Variants in PCDHB10 observed in about 807,000 individuals in gnomAD.
The protein encoded by PCDHB10 is protocadherin beta-10.
For missense variants in PCDHB10, 1,046 were observed against 1,004.7 expected (o/e 1.04, Z -0.56); for synonymous variants, 448 against 449.2 (o/e 1.00, Z 0.04).
chr5:141,195,157 A>G lies in PCDHB10; in HGVS notation c.*202A>G. 1.9e-6 allele frequency: 1 copy of G among 525,796 alleles called. No individual in the cohort carries two copies. Among genetic ancestry groups the G allele is most frequent in the South Asian group, 3.3e-5 (1 of 30,184 alleles). 32.6% of individuals were successfully genotyped at this position (525,796 alleles called of 1,614,324 possible). A position where few individuals can be genotyped will look rare whatever the true frequency, so the allele number is the denominator to read the frequency against. ...TTTAATGAGTATTTTTTTCTAAATG[A>G]TAGTGTTAAGGTTTTAATTCTTTCC... On this transcript the variant is annotated 3_prime_UTR_variant, in exon 1 of 1. Transcript: ENST00000239446.
rs782568485 is a variant in PCDHB10 at position 141,193,673 on chromosome 5, ACT to A, written c.1124_1125del (p.Ser375TrpfsTer50). 12 of 1,613,976 alleles carry A rather than the reference ACT, an allele frequency of 7.4e-6. No homozygotes were observed. The highest frequency in any genetic ancestry group is 6.7e-5 in the African/African-American group (5 of 74,886). On this transcript the variant is annotated frameshift_variant, in exon 1 of 1. Coordinates refer to ENST00000239446, the MANE Select transcript of PCDHB10 (RefSeq NM_018930.4). LOFTEE classifies it low-confidence loss of function (END_TRUNC). Reference sequence around the variant, plus strand: ...GCTGTTTTTAAGATTAATGACAGAGACTCTGGAGAAAATGGAAAGATGGTTTG... The same window carrying A: ...GCTGTTTTTAAGATTAATGACAGAGACTGGAGAAAATGGAAAGATGGTTTG...
rs782004453 is a variant in PCDHB10, at chr5:141,194,045, T to G, written c.1493T>G (p.Leu498Arg). ...CTGCTGCCGCCCCAAGACCCGCACC[T>G]GCCCCTCGCCTCCCTGGTCTCCATC... ...YSLLPPQDPH[L>R]PLASLVSINA... Residue 498 changes from leucine (L) to arginine (R), a missense_variant, in exon 1 of 1, where the codon CTG (leucine) becomes CGG (arginine). Transcript: ENST00000239446. 8 of 1,608,258 alleles carry G rather than the reference T, an allele frequency of 5.0e-6. No homozygotes were observed. In the South Asian group the frequency reaches 7.7e-5, roughly 15 times the overall value.
chr5:141,193,433 T>A lies in PCDHB10; in HGVS notation c.881T>A (p.Ile294Asn). Residue 294 changes from isoleucine (I) to asparagine (N), a missense_variant, in exon 1 of 1, where the codon ATC (isoleucine) becomes AAC (asparagine). Ile to Asn is a moderately radical substitution (Grantham distance 149). Transcript: ENST00000239446. ...ASENIRTTFQ[I>N]NPFSGEIFLR... is the part of the protein sequence containing the mutation. ...GAAAATATTCGAACAACCTTTCAAA[T>A]CAATCCTTTTTCTGGGGAAATCTTT... The A allele has an allele frequency of 6.2e-7, 1 of 1,614,150 alleles. No homozygotes were observed. The highest frequency in any genetic ancestry group is 8.5e-7 in the Non-Finnish European group (1 of 1,180,014).
In PCDHB10 at chr5:141,194,807, A is replaced by G. The variant is rs781786410; in HGVS notation, c.2255A>G (p.Gln752Arg). The change falls in exon 1 of 1, where the codon CAG becomes CGG. Residue 752 changes from glutamine to arginine, a missense_variant. By Grantham distance (43) the Gln-to-Arg change is conservative. Coordinates refer to ENST00000239446, the MANE Select transcript of PCDHB10 (RefSeq NM_018930.4). ...RGAETLSQSY[Q>R]YEVCLTGGPG... ...GCTGAGACCCTGTCCCAGAGCTACC[A>G]GTATGAGGTGTGTCTGACGGGAGGC... 14 of 1,614,098 alleles carry G rather than the reference A, an allele frequency of 8.7e-6. No individual in the cohort carries two copies. The highest frequency in any genetic ancestry group is 1.1e-5 in the Non-Finnish European group (13 of 1,180,014).
In PCDHB10 at chr5:141,194,553, C is replaced by A. The variant is rs563386280; in HGVS notation, c.2001C>A (p.Ser667=). 4.4e-6 allele frequency: 7 copies of A among 1,578,056 alleles called. No individual in the cohort carries two copies. The African/African-American group carries it at 8.1e-5, about 18-fold the overall frequency. The change falls in exon 1 of 1, where the codon TCC becomes TCA. Residue 667 remains serine (S), a synonymous_variant. Transcript: ENST00000239446. ...TLHLLLVDGF[S]QPYLPLPEAA... is the part of the protein sequence containing the mutation. ...ACTTGCTCCTGGTGGACGGCTTCTC[C>A]CAGCCCTACCTGCCTCTCCCGGAGG...
rs782796782 is a variant in PCDHB10, at chr5:141,193,648, G to C, written c.1096G>C (p.Ala366Pro). 2.5e-6 allele frequency: 4 copies of C among 1,614,126 alleles called. No individual in the cohort carries two copies. In the South Asian group the frequency reaches 4.4e-5, roughly 18 times the overall value. Residue 366 changes from alanine to proline, a missense_variant, in exon 1 of 1, where the codon GCT (alanine) becomes CCT (proline). Physicochemically the swap from Ala to Pro is conservative, Grantham distance 27 (BLOSUM62 -1). Transcript: ENST00000239446. ...VAENSPETPL[A>P]VFKINDRDSG... ...TGAGAATTCTCCTGAGACGCCGCTGGCTGTTTTTAAGATTAATGACAGAGA... is the reference window on the plus strand; with the variant it reads ...TGAGAATTCTCCTGAGACGCCGCTGCCTGTTTTTAAGATTAATGACAGAGA...
Position 141,193,856 on chromosome 5 carries a change from A to G in PCDHB10, c.1304A>G (p.His435Arg). The G allele has an allele frequency of 6.2e-7, 1 of 1,614,050 alleles. No individual in the cohort carries two copies. The highest frequency in any genetic ancestry group is 8.5e-7 in the Non-Finnish European group (1 of 1,180,010). ...GGGACACCCAGGCTGAAAACCGAGCACAACATAACGGTCCTGGTCTCCGAC... is the reference window on the plus strand; with the variant it reads ...GGGACACCCAGGCTGAAAACCGAGCGCAACATAACGGTCCTGGTCTCCGAC... The part of the protein sequence containing the change: ...DLGTPRLKTE[H>R]NITVLVSDVN... The change falls in exon 1 of 1, where the codon CAC becomes CGC. Residue 435 changes from histidine to arginine, a missense_variant. Transcript: ENST00000239446.
In PCDHB10 at chr5:141,192,427, T is replaced by C. The variant is rs1006964218; in HGVS notation, c.-126T>C. Reference sequence around the variant, plus strand: ...AAAGAGAAGCTTTAGCTGCCAAAGATTGGGAAAGGGAAAGGACAAAAAAGA... The same window carrying C: ...AAAGAGAAGCTTTAGCTGCCAAAGACTGGGAAAGGGAAAGGACAAAAAAGA... On this transcript the variant is annotated 5_prime_UTR_variant, in exon 1 of 1. Coordinates refer to ENST00000239446, the MANE Select transcript of PCDHB10 (RefSeq NM_018930.4). The C allele has an allele frequency of 2.4e-5, 29 of 1,221,484 alleles. No individual in the cohort carries two copies. The highest frequency in any genetic ancestry group is 4.7e-5 in the East Asian group (2 of 42,650). The allele number at this position is 1,221,484 out of a possible 1,614,324, so 75.7% of individuals were successfully genotyped here.
chr5:141,194,763 T>G lies in PCDHB10; in HGVS notation c.2211T>G (p.His737Gln), dbSNP rs1300466381. ...TGCCCGAGGGTCCTTTTCCAGGGCA[T>G]CTGGTGGACGTGAGGGGCGCTGAGA... ...CSVPEGPFPG[H>Q]LVDVRGAETL... Residue 737 changes from histidine (H) to glutamine (Q), a missense_variant, in exon 1 of 1, where the codon CAT becomes CAG. By Grantham distance (24) the His-to-Gln change is conservative (BLOSUM62 0). Coordinates refer to ENST00000239446, the MANE Select transcript of PCDHB10 (RefSeq NM_018930.4). 1 of 1,613,932 alleles carries G rather than the reference T, an allele frequency of 6.2e-7. No homozygotes were observed. Among genetic ancestry groups the G allele is most frequent in the Non-Finnish European group, 8.5e-7 (1 of 1,179,994 alleles).
chr5:141,192,540 G>C lies in PCDHB10; in HGVS notation c.-13G>C, dbSNP rs782272601. 1.1e-5 allele frequency: 18 copies of C among 1,610,198 alleles called. No individual in the cohort carries two copies. The highest frequency in any genetic ancestry group is 1.4e-5 in the Non-Finnish European group (16 of 1,178,462). ...TGGCTGTAACCAACTAGGAAATAAC[G>C]TATGCAGCAGCTATGGCTGTCAGAG... On this transcript the variant is annotated 5_prime_UTR_variant, in exon 1 of 1. Coordinates refer to ENST00000239446, the MANE Select transcript of PCDHB10 (RefSeq NM_018930.4).
Position 141,195,075 on chromosome 5 carries a change from C to T in PCDHB10, c.*120C>T. 9.4e-7 allele frequency: 1 copy of T among 1,065,372 alleles called. No individual in the cohort carries two copies. Among genetic ancestry groups the T allele is most frequent in the Non-Finnish European group, 1.3e-6 (1 of 762,832 alleles). The allele number at this position is 1,065,372 out of a possible 1,614,324, so 66.0% of individuals were successfully genotyped here. On this transcript the variant is annotated 3_prime_UTR_variant, in exon 1 of 1. Coordinates refer to ENST00000239446, the MANE Select transcript of PCDHB10 (RefSeq NM_018930.4). ...TCAAGCATTATTTTCAAGTAGTATA[C>T]CCCTGTGGTTTTACAATGTTTCATC... is the stretch of plus-strand genomic sequence containing the variant.
In PCDHB10 at chr5:141,194,545, G is replaced by C; in HGVS notation, c.1993G>C (p.Gly665Arg). 3 of 1,579,202 alleles carry C rather than the reference G, an allele frequency of 1.9e-6. No homozygotes were observed. The highest frequency in any genetic ancestry group is 1.7e-6 in the Non-Finnish European group (2 of 1,166,336). ...TATLHLLLVD[G>R]FSQPYLPLPE... ...CACGCTGCACTTGCTCCTGGTGGAC[G>C]GCTTCTCCCAGCCCTACCTGCCTCT... Residue 665 changes from glycine to arginine, a missense_variant, in exon 1 of 1, where the codon GGC (glycine) becomes CGC (arginine). By Grantham distance (125) the Gly-to-Arg change is moderately radical. Transcript: ENST00000239446.
chr5:141,193,120 A>G lies in PCDHB10; in HGVS notation c.568A>G (p.Ile190Val), dbSNP rs1554283974. The G allele has an allele frequency of 1.2e-6, 2 of 1,614,190 alleles. No homozygotes were observed. The highest frequency in any genetic ancestry group is 1.7e-6 in the Non-Finnish European group (2 of 1,180,040). ...INISGGDEGM[I>V]YPELVLDKAL... ...CATTAGTGGCGGTGATGAAGGCATGATATATCCAGAGCTAGTGTTGGACAA... is the reference window on the plus strand; with the variant it reads ...CATTAGTGGCGGTGATGAAGGCATGGTATATCCAGAGCTAGTGTTGGACAA... The change falls in exon 1 of 1, where the codon ATA becomes GTA. Residue 190 changes from isoleucine (I) to valine (V), a missense_variant. Coordinates refer to ENST00000239446, the MANE Select transcript of PCDHB10 (RefSeq NM_018930.4).
chr5:141,192,476 G>A lies in PCDHB10; in HGVS notation c.-77G>A, dbSNP rs1205310996. ...GACCCCTGGGCTACACGGCGTAGGT[G>A]CAGGGTTTCCTACTGCTGTTCTTTT... is the stretch of plus-strand genomic sequence containing the variant. On this transcript the variant is annotated 5_prime_UTR_variant, in exon 1 of 1. Coordinates refer to ENST00000239446, the MANE Select transcript of PCDHB10 (RefSeq NM_018930.4). The A allele has an allele frequency of 9.1e-6, 14 of 1,544,060 alleles. No homozygotes were observed. In the Middle Eastern group the frequency reaches 1.6e-3, roughly 174 times the overall value.
chr5:141,192,514 G>C lies in PCDHB10; in HGVS notation c.-39G>C. ...CTGCTGTTCTTTTATGCTGGGAGCT[G>C]TGGCTGTAACCAACTAGGAAATAAC... On this transcript the variant is annotated 5_prime_UTR_variant, in exon 1 of 1. Coordinates refer to ENST00000239446, the MANE Select transcript of PCDHB10 (RefSeq NM_018930.4). 4.4e-6 allele frequency: 7 copies of C among 1,595,528 alleles called. No homozygotes were observed. The highest frequency in any genetic ancestry group is 6.0e-6 in the Non-Finnish European group (7 of 1,171,218).
chr5:141,193,988 A>C lies in PCDHB10; in HGVS notation c.1436A>C (p.Asp479Ala). The change falls in exon 1 of 1, where the codon GAC becomes GCC. Residue 479 changes from aspartate (D) to alanine (A), a missense_variant. Physicochemically the swap from Asp to Ala is moderately radical, Grantham distance 126 (BLOSUM62 -2). Coordinates refer to ENST00000239446, the MANE Select transcript of PCDHB10 (RefSeq NM_018930.4). ...HIGSVSATDR[D>A]SGTNAQVTYS... ...GGCAGCGTCAGCGCCACAGACAGAG[A>C]CTCGGGCACCAACGCCCAGGTCACC... 2.5e-6 allele frequency: 4 copies of C among 1,609,758 alleles called. No individual in the cohort carries two copies. Among genetic ancestry groups the C allele is most frequent in the Non-Finnish European group, 3.4e-6 (4 of 1,178,778 alleles).
Position 141,195,057 on chromosome 5 carries a change from T to C in PCDHB10, c.*102T>C. On this transcript the variant is annotated 3_prime_UTR_variant, in exon 1 of 1. Coordinates refer to ENST00000239446, the MANE Select transcript of PCDHB10 (RefSeq NM_018930.4). ...TTAAGTTATTATGCAACTTCAAGCA[T>C]TATTTTCAAGTAGTATACCCCTGTG... 7.7e-7 allele frequency: 1 copy of C among 1,305,962 alleles called. No homozygotes were observed. The allele number at this position is 1,305,962 out of a possible 1,614,324, so 80.9% of individuals were successfully genotyped here. A position where few individuals can be genotyped will look rare whatever the true frequency, so the allele number is the denominator to read the frequency against.
rs782240709 is a variant in PCDHB10 at position 141,194,920 on chromosome 5, A to T, written c.2368A>T (p.Thr790Ser). ...TGGGAGGAAGGGTGAAGAAAATTCC[A>T]CCTTCCGAAATAGCTTTGGATTTAA... ...GPGRKGEENS[T>S]FRNSFGFNIQ is the part of the protein sequence containing the mutation. The change falls in exon 1 of 1, where the codon ACC becomes TCC. Residue 790 changes from threonine to serine, a missense_variant. Coordinates refer to ENST00000239446, the MANE Select transcript of PCDHB10 (RefSeq NM_018930.4). The T allele has an allele frequency of 1.6e-5, 26 of 1,610,570 alleles. No homozygotes were observed. Among genetic ancestry groups the T allele is most frequent in the African/African-American group, 2.7e-5 (2 of 74,626 alleles).
In PCDHB10 at chr5:141,193,612, A is replaced by C; in HGVS notation, c.1060A>C (p.Asn354His). Reference sequence around the variant, plus strand: ...TGAACTGATCGTATCATCATTTTCCAACTCTGTTGCTGAGAATTCTCCTGA... The same window carrying C: ...TGAACTGATCGTATCATCATTTTCCCACTCTGTTGCTGAGAATTCTCCTGA... ...PPELIVSSFS[N>H]SVAENSPETP... Residue 354 changes from asparagine (N) to histidine (H), a missense_variant, in exon 1 of 1, where the codon AAC (asparagine) becomes CAC (histidine). By Grantham distance (68) the Asn-to-His change is moderately conservative. Transcript: ENST00000239446. 1 of 1,614,072 alleles carries C rather than the reference A, an allele frequency of 6.2e-7. No homozygotes were observed. The highest frequency in any genetic ancestry group is 8.5e-7 in the Non-Finnish European group (1 of 1,180,008).
Sources: gnomAD v4.1 joint callset for allele counts on GRCh38, gnomAD v4.1.1 for gene constraint, MANE v1.5 for transcripts, NCBI Gene and HGNC (gene_info 2026-07-23, HGNC 2026-07-21) for gene names.